STK3: variants seen among roughly 807,000 people sequenced by gnomAD.
STK3 encodes serine/threonine kinase 3.
In STK3, 41 loss-of-function variants were observed where a neutral mutation model predicts 58.0. The observed-to-expected ratio is 0.71, with a 90% confidence interval of 0.55 to 0.92. The LOEUF (loss-of-function observed/expected upper bound fraction) is 0.92. Ranked by LOEUF, STK3 falls within the 40% of genes least tolerant of loss-of-function variation. The probability of loss-of-function intolerance (pLI) is 0.00; values close to 1 mark genes in which losing one functional copy is unlikely to be tolerated. For missense variants in STK3, 479 were observed against 602.7 expected (o/e 0.79, Z 2.15); for synonymous variants, 170 against 191.0 (o/e 0.89, Z 0.91).
intron 6 of STK3, among the ~76,000 whole-genome samples, chr8:98,653,040 C>G (rs1821096728): frequency 6.6e-6 from 1 of 152,194 alleles, no homozygotes; most frequent in Non-Finnish European, 1.5e-5. Flanking sequence ...TTTCTTTCAG[C>G]ACCACACCAC....
In STK3 at chr8:98,564,757, C is replaced by A. The variant is rs191409932; in HGVS notation, c.948+14907G>T. On this transcript the variant is annotated intron_variant, in intron 8 of 10. Transcript: ENST00000419617. ...GTAAATATGTATAATCGTTATATAT[C>A]AATTTTTTTTAAAAAAGAGAAGCCT... Among the ~76,000 whole-genome samples the A allele has an allele frequency of 3.7e-3, 563 of 152,076 alleles. 2 individuals carry two copies. The highest frequency in any genetic ancestry group is 0.013 in the African/African-American group (539 of 41,490).
intron 6 of STK3, among the ~76,000 whole-genome samples, chr8:98,605,877 T>C (rs1027702812): frequency 6.6e-6 from 1 of 152,120 alleles, no homozygotes; most frequent in African/African-American, 2.4e-5. Flanking sequence ...AAGATGTGGT[T>C]GTTAAAAGTG....
chr8:98,782,129 T>C, intron 1 of STK3: 1 of 236,754 alleles, frequency 4.2e-6, no homozygotes. Context: ...ATGAGACCAA[T>C]GAAATTGGCC....
intron 6 of STK3, among the ~76,000 whole-genome samples, chr8:98,630,763 A>AAGG (rs1319843008): frequency 6.6e-6 from 1 of 151,000 alleles, no homozygotes; most frequent in Non-Finnish European, 1.5e-5. Flanking sequence ...GAAGGAGAAG[A>AAGG]ACAAGAAGAA....
At chr8:98,516,690 C>T (rs1480911081) in intron 10 of STK3, among the ~76,000 whole-genome samples, 1 of 152,016 alleles carries the variant, frequency 6.6e-6, no homozygotes, top group Non-Finnish European at 1.5e-5. Flanking sequence ...GAATTCTGTA[C>T]TATCACTGAA....
chr8:98,363,760 C>T, the STK3 span, among the ~76,000 whole-genome samples: 1 of 152,228 alleles, frequency 6.6e-6, no homozygotes, highest in Non-Finnish European at 1.5e-5. Context: ...CTCCTGGTCT[C>T]ATCTCATCCC....
chr8:98,826,043 C>T (rs1341515185), upstream of STK3, among the ~76,000 whole-genome samples: 6 of 151,862 alleles, frequency 4.0e-5, 1 homozygote, highest in South Asian at 6.2e-4. Flanking sequence ...GCCCCGTGAC[C>T]GGGAAAAGGA....
chr8:98,843,788 G>A (rs956960498), intron 3 of STK3, among the ~76,000 whole-genome samples: 11 of 152,322 alleles, frequency 7.2e-5, no homozygotes, highest in Admixed American at 6.5e-4. Context: ...AGGCTGAGGC[G>A]GGTGGATCAC....
chr8:98,712,198 T>C (rs559367030), intron 4 of STK3, among the ~76,000 whole-genome samples: 5 of 152,146 alleles, frequency 3.3e-5, no homozygotes, highest in Admixed American at 6.5e-5. Context: ...TGTAAGACCA[T>C]GAATGCTAGG....
intron 1 of STK3, among the ~76,000 whole-genome samples, chr8:98,795,104 ATATAT>A (rs1364558782): frequency 0.016 from 363 of 23,280 alleles, 37 homozygotes; most frequent in African/African-American, 0.043. Flanking sequence ...AAAAAAAAAA[ATATAT>A]ATATATATAT....
intron 3 of STK3, among the ~76,000 whole-genome samples, chr8:98,873,178 G>A (rs1196826993): frequency 6.6e-6 from 1 of 152,152 alleles, no homozygotes; most frequent in Non-Finnish European, 1.5e-5. Context: ...CTGAGTTCTA[G>A]TTTGATTGCA....
At chr8:98,895,112 A>G (rs1379125721) in intron 1 of STK3, among the ~76,000 whole-genome samples, 1 of 152,192 alleles carries the variant, frequency 6.6e-6, no homozygotes, top group Non-Finnish European at 1.5e-5. Context: ...CCTGAGTCTG[A>G]AAGAAGACAC....
chr8:98,548,193 T>A, intron 8 of STK3, 32 bp from the exon 9 acceptor site: 1 of 1,423,086 alleles, frequency 7.0e-7, no homozygotes, highest in Non-Finnish European at 9.2e-7. Context: ...GAGGGAAGAC[T>A]TTTCTATGAC....
intron 10 of STK3, among the ~76,000 whole-genome samples, chr8:98,484,458 A>AACTC (rs1822089211): frequency 6.6e-6 from 1 of 152,166 alleles, no homozygotes; most frequent in South Asian, 2.1e-4. Context: ...CCAGCTACCA[A>AACTC]ACTCACCAGG....
At chr8:98,865,026 T>G (rs1837083312) in intron 3 of STK3, among the ~76,000 whole-genome samples, 1 of 152,266 alleles carries the variant, frequency 6.6e-6, no homozygotes, top group Middle Eastern at 3.4e-3. Flanking sequence ...TGGTCACACC[T>G]AGATGACAGG....
the STK3 span, among the ~76,000 whole-genome samples, chr8:98,347,520 AAAAC>A: frequency 7.0e-6 from 1 of 142,230 alleles, no homozygotes. Flanking sequence ...GTCTCAAAAA[AAAAC>A]AAAAAAAACC....
At chr8:98,532,551 A>G (rs1400563073) in intron 9 of STK3, among the ~76,000 whole-genome samples, 4 of 152,226 alleles carry the variant, frequency 2.6e-5, no homozygotes, top group Admixed American at 1.3e-4. Context: ...AAGTGAGCAC[A>G]TAACATTGGA....
chr8:98,576,548 G>T (rs1305150038), intron 8 of STK3, among the ~76,000 whole-genome samples: 4 of 152,112 alleles, frequency 2.6e-5, no homozygotes, highest in Non-Finnish European at 5.9e-5. Context: ...TCTTTCTATT[G>T]ATTTAGGTCT....
rs1041796276 is a variant in STK3 at position 98,808,445 on chromosome 8, G to T, written c.26+17070C>A. On this transcript the variant is annotated intron_variant, in intron 1 of 10. Coordinates refer to ENST00000419617, the MANE Select transcript of STK3 (RefSeq NM_006281.4). ...CAGCAGTTTGCAAGTTTGTGGACAG[G>T]TTGTAACTTCTGCTAAGGATGTCTC... is the stretch of plus-strand genomic sequence containing the variant. Among the ~76,000 whole-genome samples the T allele has an allele frequency of 1.3e-5, 2 of 152,216 alleles. 1 individual carries two copies. Among genetic ancestry groups the T allele is most frequent in the Non-Finnish European group, 2.9e-5 (2 of 68,040 alleles).
Sources: allele counts gnomAD v4.1 joint callset (sites outside exome capture counted in the v4.1 genomes callset), GRCh38; gene constraint gnomAD v4.1.1; transcripts MANE v1.5; gene names NCBI Gene and HGNC (gene_info 2026-07-23, HGNC 2026-07-21).